Variants in ADCY8 observed in about 807,000 individuals in gnomAD.
The protein encoded by ADCY8 is adenylate cyclase type 8.
ADCY8 carries 51 observed loss-of-function variants against 119.7 expected under a neutral mutation model. The observed-to-expected ratio is 0.43, with a 90% CI of 0.34 to 0.54. The LOEUF is 0.54. Among genes scored for constraint, ADCY8 ranks in the 20% least tolerant of loss-of-function variants. The pLI is 0.03. For missense variants in ADCY8, 1,383 were observed against 1,598.8 expected (o/e 0.87, Z 2.30); for synonymous variants, 665 against 651.0 (o/e 1.02, Z -0.33).
chr8:131,013,761 C>A (rs1823384194), intron 1 of ADCY8, among the ~76,000 whole-genome samples: 1 of 152,166 alleles, frequency 6.6e-6, no homozygotes, highest in Non-Finnish European at 1.5e-5. Context: ...CGAAAAATAG[C>A]AACTTGCCAA....
At position 131,039,676 on chromosome 8, in the gene ADCY8, T is replaced by C. The variant is rs75006899; in HGVS notation, c.658A>G (p.Thr220Ala). The C allele has an allele frequency of 7.6e-4, 1,220 of 1,614,040 alleles. 1 individual carries two copies. Among genetic ancestry groups the C allele is most frequent in the Non-Finnish European group, 9.4e-4 (1,106 of 1,180,014 alleles). The change falls in exon 1 of 18, where the codon ACC (threonine) becomes GCC (alanine). Residue 220 changes from threonine (T) to alanine (A), a missense_variant. This residue lies in a region of ADCY8 where 455 missense variants were observed against 435.3 expected (regional missense o/e 1.05). Coordinates refer to ENST00000286355, the MANE Select transcript of ADCY8 (RefSeq NM_001115.3). ...GCGCAGATCACTACCTCAATGCCGG[T>C]GAAGAAGCCCAGCAGGATGCCCTTG... ...PLKGILLGFFTGIEVVICALV... is the reference protein window; with the variant it reads ...PLKGILLGFFAGIEVVICALV...
chr8:130,968,600 A>T (rs1821834764), intron 2 of ADCY8, among the ~76,000 whole-genome samples: 1 of 152,136 alleles, frequency 6.6e-6, no homozygotes, highest in African/African-American at 2.4e-5. Context: ...GTGGCTCTCC[A>T]CCCTACTCCA....
chr8:130,810,801 T>C (rs901982209), intron 14 of ADCY8, among the ~76,000 whole-genome samples: 19 of 152,318 alleles, frequency 1.2e-4, no homozygotes, highest in Non-Finnish European at 1.6e-4. Context: ...CAGTCCTTTA[T>C]TTTGCTTTGG....
At chr8:130,854,032 A>C (rs535826708) in intron 9 of ADCY8, among the ~76,000 whole-genome samples, 1 of 152,378 alleles carries the variant, frequency 6.6e-6, no homozygotes, top group South Asian at 2.1e-4. Flanking sequence ...AGCACTTTAA[A>C]GTTCTATGGC....
intron 2 of ADCY8, among the ~76,000 whole-genome samples, chr8:130,961,335 C>T (rs1821597303): frequency 1.3e-5 from 2 of 151,984 alleles, no homozygotes; most frequent in South Asian, 4.2e-4. Context: ...GTCTTGAACT[C>T]CTGACCTCAA....
chr8:130,997,250 TACATATACATATA>T (rs1822807036), intron 1 of ADCY8, among the ~76,000 whole-genome samples: 1 of 151,514 alleles, frequency 6.6e-6, no homozygotes, highest in Admixed American at 6.6e-5. Context: ...TATACATATA[TACATATACATATA>T]TAAATAAAAA....
rs753815200 is a variant in ADCY8, at chr8:130,884,640, C to T, written c.2033G>A (p.Arg678Gln). The T allele has an allele frequency of 6.2e-6, 10 of 1,613,708 alleles. No individual in the cohort carries two copies. Among genetic ancestry groups the T allele is most frequent in the African/African-American group, 2.7e-5 (2 of 74,876 alleles). Residue 678 changes from arginine to glutamine, a missense_variant, in exon 8 of 18, where the codon CGG becomes CAG. By Grantham distance (43) the Arg-to-Gln change is conservative (BLOSUM62 1). This residue lies in a region of ADCY8 where 928 missense variants were observed against 1,163.5 expected (regional missense o/e 0.80). Transcript: ENST00000286355. ...NKRIEHTIDL[R>Q]SGDKLRREHI... ...CTCTCTTCTCAATTTATCGCCACTC[C>T]GCAAGTCGATGGTATGTTCTATTCT...
chr8:130,867,731 G>A lies in ADCY8; in HGVS notation c.2210+115C>T, dbSNP rs1024592810. 5 of 594,152 alleles carry A rather than the reference G, an allele frequency of 8.4e-6. No homozygotes were observed. In the African/African-American group the frequency reaches 9.4e-5, roughly 11 times the overall value. 36.8% of individuals were successfully genotyped at this position (594,152 alleles called of 1,614,324 possible). On this transcript the variant is annotated intron_variant, in intron 9 of 17. Transcript: ENST00000286355. ...TTGATACTGTCAAACATTTTGGTAT[G>A]CGTCCTGGACTCAGTTATTTTAAAT...
At chr8:130,877,591 T>C (rs115331206) in intron 8 of ADCY8, among the ~76,000 whole-genome samples, 1,900 of 152,306 alleles carry the variant, frequency 0.012, 44 homozygotes, top group African/African-American at 0.043. Context: ...AACCCATGCG[T>C]GAAATATCTA....
At chr8:130,954,249 T>C (rs1257118983) in intron 2 of ADCY8, among the ~76,000 whole-genome samples, 1 of 152,168 alleles carries the variant, frequency 6.6e-6, no homozygotes, top group Non-Finnish European at 1.5e-5. Context: ...AGGAAGAGAA[T>C]GGCACAGGAG....
chr8:130,867,550 G>C (rs1184215663), intron 9 of ADCY8, among the ~76,000 whole-genome samples: 1 of 147,128 alleles, frequency 6.8e-6, no homozygotes, highest in Non-Finnish European at 1.5e-5. Context: ...TGGTGTTGAG[G>C]TTCTTATACC....
intron 1 of ADCY8, among the ~76,000 whole-genome samples, chr8:131,005,625 G>A (rs1437129091): frequency 6.6e-6 from 1 of 152,142 alleles, no homozygotes; most frequent in African/African-American, 2.4e-5. Flanking sequence ...TTCCATTTGG[G>A]CTTTGCCATG....
At chr8:130,928,926 T>C (rs1246797132) in intron 5 of ADCY8, among the ~76,000 whole-genome samples, 4 of 152,150 alleles carry the variant, frequency 2.6e-5, no homozygotes, top group Admixed American at 2.6e-4. Flanking sequence ...TGGGCCTTTT[T>C]TTAGATGAGA....
intron 2 of ADCY8, among the ~76,000 whole-genome samples, chr8:130,975,057 G>A (rs1043513037): frequency 5.9e-5 from 9 of 152,234 alleles, no homozygotes; most frequent in Middle Eastern, 6.8e-3. Context: ...GAGAAGCTTC[G>A]ATCTATCAAG....
intron 7 of ADCY8, among the ~76,000 whole-genome samples, chr8:130,895,543 T>C (rs1364615402): frequency 2.0e-5 from 3 of 152,122 alleles, no homozygotes; most frequent in Non-Finnish European, 4.4e-5. Flanking sequence ...TCAAATCCAC[T>C]TGTCTTTTGA....
intron 7 of ADCY8, among the ~76,000 whole-genome samples, chr8:130,885,518 T>C (rs565114861): frequency 6.6e-6 from 1 of 152,220 alleles, no homozygotes; most frequent in South Asian, 2.1e-4. Flanking sequence ...AGAAACTGCA[T>C]TGGCTTACGA....
intron 8 of ADCY8, among the ~76,000 whole-genome samples, chr8:130,883,754 A>T (rs950366511): frequency 1.3e-5 from 2 of 152,140 alleles, no homozygotes; most frequent in Non-Finnish European, 2.9e-5. Flanking sequence ...CAAAGGAGCA[A>T]CCCAGTTAAG....
chr8:130,943,278 C>A, intron 4 of ADCY8, 73 bp downstream of exon 4: 1 of 1,092,450 alleles, frequency 9.2e-7, no homozygotes, highest in South Asian at 1.4e-5. Flanking sequence ...AAGGCTGAAT[C>A]CTTCTCTTTC....
At chr8:130,901,001 C>T (rs372832446) in intron 7 of ADCY8, among the ~76,000 whole-genome samples, 24 of 152,270 alleles carry the variant, frequency 1.6e-4, no homozygotes, top group Admixed American at 6.5e-4. Flanking sequence ...CTATCATCGA[C>T]GCAGTTCCAA....
Sources: allele counts gnomAD v4.1 joint callset (sites outside exome capture counted in the v4.1 genomes callset), GRCh38; gene constraint gnomAD v4.1.1; regional missense constraint gnomAD v4.1.1; transcripts MANE v1.5; gene names NCBI Gene and HGNC (gene_info 2026-07-23, HGNC 2026-07-21).